Variants in TCF20 observed in about 807,000 individuals in gnomAD.
TCF20 encodes the protein transcription factor 20.
In TCF20, 3 loss-of-function variants were observed where a neutral mutation model predicts 148.6. The observed-to-expected ratio is 0.02, with a 90% confidence interval of 0.01 to 0.05. The LOEUF (loss-of-function observed/expected upper bound fraction) is 0.05, where lower values mean the gene tolerates loss of function less well. Ranked by LOEUF, TCF20 falls within the 10% of genes least tolerant of loss-of-function variation. The pLI, the probability that TCF20 is intolerant of heterozygous loss-of-function variation, is 1.00. For missense variants in TCF20, 2,350 were observed against 2,429.3 expected (o/e 0.97, Z 0.69); for synonymous variants, 1,049 against 909.5 (o/e 1.15, Z -2.76).
At chr22:42,283,297 G>T (rs77277398) in intron 1 of TCF20, among the ~76,000 whole-genome samples, 81 of 152,328 alleles carry the variant, frequency 5.3e-4, no homozygotes, top group African/African-American at 1.7e-3. Flanking sequence ...ATAGTGGAGG[G>T]GGGGAGAGGG....
chr22:42,208,774 T>C (rs2147190143), intron 2 of TCF20, among the ~76,000 whole-genome samples: 1 of 152,116 alleles, frequency 6.6e-6, no homozygotes, highest in South Asian at 2.1e-4. Flanking sequence ...ACAGGAATTA[T>C]AAAGAGAGCA....
chr22:42,262,118 T>C (rs1926059301), intron 1 of TCF20, among the ~76,000 whole-genome samples: 1 of 152,230 alleles, frequency 6.6e-6, no homozygotes, highest in Non-Finnish European at 1.5e-5. Context: ...CAGATTATTC[T>C]GGCCCTTGTG....
chr22:42,233,711 G>A (rs2147285428), intron 1 of TCF20, among the ~76,000 whole-genome samples: 1 of 152,316 alleles, frequency 6.6e-6, no homozygotes, highest in East Asian at 1.9e-4. Flanking sequence ...TCTGACAAAT[G>A]TAAAGGTAAC....
chr22:42,275,358 C>T (rs1480499297), upstream of TCF20, among the ~76,000 whole-genome samples: 1 of 152,162 alleles, frequency 6.6e-6, no homozygotes, highest in African/African-American at 2.4e-5. Context: ...ACACATCTTC[C>T]CCACAGGTGA....
At chr22:42,260,857 A>C (rs889995892) in intron 1 of TCF20, among the ~76,000 whole-genome samples, 1 of 152,190 alleles carries the variant, frequency 6.6e-6, no homozygotes, top group Admixed American at 6.5e-5. Context: ...GGGGAAAAGG[A>C]ATCTAGAACA....
chr22:42,244,304 A>G (rs995447010), intron 1 of TCF20, among the ~76,000 whole-genome samples: 2 of 152,226 alleles, frequency 1.3e-5, no homozygotes, highest in Non-Finnish European at 2.9e-5. Context: ...AAATAAGTGA[A>G]AACAGGTATC....
intron 1 of TCF20, among the ~76,000 whole-genome samples, chr22:42,219,131 C>T (rs957956147): frequency 2.2e-4 from 33 of 151,712 alleles, no homozygotes; most frequent in African/African-American, 7.5e-4. Context: ...CACCTGTAAT[C>T]CCAGTGTTTT....
intron 1 of TCF20, among the ~76,000 whole-genome samples, chr22:42,329,188 C>T (rs1219685545): frequency 6.6e-6 from 1 of 152,354 alleles, no homozygotes; most frequent in South Asian, 2.1e-4. Context: ...AGCGCAGTCA[C>T]ACCAAGAAGT....
In TCF20 at chr22:42,213,601, G is replaced by A. The variant is rs748165615; in HGVS notation, c.1705C>T (p.Pro569Ser). 5.6e-6 allele frequency: 9 copies of A among 1,614,150 alleles called. No individual in the cohort carries two copies. In the South Asian group the frequency reaches 9.9e-5, roughly 18 times the overall value. Residue 569 changes from proline to serine, a missense_variant, in exon 2 of 6, where the codon CCC becomes TCC. Pro to Ser is a moderately conservative substitution (Grantham distance 74). This residue lies in a region of TCF20 where 1,641 missense variants were observed against 1,662.6 expected (regional missense o/e 0.99). Transcript: ENST00000677622. Reference protein sequence around the residue: ...SPAQGAQNEPPRLNASPAARE... With the variant: ...SPAQGAQNEPSRLNASPAARE... ...GCGGCAGGACTAGCATTGAGTCTGG[G>A]GGGTTCATTCTGAGCACCTTGTGCC...
chr22:42,262,335 C>T (rs1339501886), intron 1 of TCF20, among the ~76,000 whole-genome samples: 1 of 152,044 alleles, frequency 6.6e-6, no homozygotes, highest in Non-Finnish European at 1.5e-5. Context: ...ATGGAAATAG[C>T]ACTGACAGTA....
chr22:42,296,417 C>T lies in TCF20; in HGVS notation c.-37+47062G>A, dbSNP rs368995121. ...AACGGCGCCAACTTGGGGGTGGTGCCGAGAGCCAGTGCAGCTGTGCCCGGC... is the reference window on the plus strand; with the variant it reads ...AACGGCGCCAACTTGGGGGTGGTGCTGAGAGCCAGTGCAGCTGTGCCCGGC... On this transcript the variant is annotated intron_variant, in intron 1 of 1. Coordinates refer to the TCF20 transcript ENST00000515426. 7.9e-5 allele frequency among the ~76,000 whole-genome samples: 12 copies of T among 152,316 alleles called. No individual in the cohort carries two copies. The East Asian group carries it at 1.5e-3, about 20-fold the overall frequency.
At chr22:42,189,696 C>T (rs953009667) in intron 2 of TCF20, among the ~76,000 whole-genome samples, 2 of 152,088 alleles carry the variant, frequency 1.3e-5, no homozygotes, top group African/African-American at 4.8e-5. Context: ...TAAAATAAAT[C>T]CCTGCTAGCA....
At chr22:42,255,495 AACAACAAC>A (rs1925687231) in intron 1 of TCF20, among the ~76,000 whole-genome samples, 1 of 120,466 alleles carries the variant, frequency 8.3e-6, no homozygotes, top group Non-Finnish European at 1.9e-5. Flanking sequence ...CTCAAACAAC[AACAACAAC>A]AACAACAACA....
At chr22:42,308,614 T>C (rs1272118322) in intron 1 of TCF20, among the ~76,000 whole-genome samples, 1 of 152,134 alleles carries the variant, frequency 6.6e-6, no homozygotes, top group Non-Finnish European at 1.5e-5. Flanking sequence ...CCCAGGGCCA[T>C]GGCAGGCACA....
chr22:42,209,898 G>A lies in TCF20; in HGVS notation c.5408C>T (p.Ser1803Phe), dbSNP rs1569142733. 4 of 1,614,170 alleles carry A rather than the reference G, an allele frequency of 2.5e-6. No individual in the cohort carries two copies. Among genetic ancestry groups the A allele is most frequent in the Middle Eastern group, 1.6e-4 (1 of 6,062 alleles). The change falls in exon 2 of 6, where the codon TCC becomes TTC. Residue 1803 changes from serine (S) to phenylalanine (F), a missense_variant. Coordinates refer to ENST00000677622, the MANE Select transcript of TCF20 (RefSeq NM_001378418.1). ...TGCTTTTTTACAAGGGAGCCCCCTG[G>A]ACAGGGACCGAGGGCCTCCACCACA... ...EDCGGGPRSL[S>F]RGLPCKKAAT...
At chr22:42,178,725 G>C (rs140347609) in intron 3 of TCF20, among the ~76,000 whole-genome samples, 1 of 151,210 alleles carries the variant, frequency 6.6e-6, no homozygotes, top group South Asian at 2.1e-4. Context: ...TGGGACTATA[G>C]GTGCGCGTCA....
rs1372919555 is a variant in TCF20, at chr22:42,212,680, T to G, written c.2626A>C (p.Ile876Leu). ...GAGTGAGCCCCTGGGTCCCTGACAA[T>G]CTGTCTTAGTGGAGAAATATCACAG... ...VICDISPLRQ[I>L]VRDPGAHSLG... Residue 876 changes from isoleucine to leucine, a missense_variant, in exon 2 of 6, where the codon ATT becomes CTT. By Grantham distance (5) the Ile-to-Leu change is conservative. Coordinates refer to ENST00000677622, the MANE Select transcript of TCF20 (RefSeq NM_001378418.1). 6.2e-7 allele frequency: 1 copy of G among 1,614,052 alleles called. No individual in the cohort carries two copies. Among genetic ancestry groups the G allele is most frequent in the Non-Finnish European group, 8.5e-7 (1 of 1,180,022 alleles).
chr22:42,237,548 A>T (rs1253360145), intron 1 of TCF20, among the ~76,000 whole-genome samples: 2 of 152,208 alleles, frequency 1.3e-5, no homozygotes, highest in Admixed American at 6.5e-5. Flanking sequence ...TCTTAATGGC[A>T]TTTAGAATGG....
intron 1 of TCF20, among the ~76,000 whole-genome samples, chr22:42,236,441 G>C (rs770958335): frequency 6.6e-6 from 1 of 152,048 alleles, no homozygotes; most frequent in Admixed American, 6.6e-5. Context: ...GAATGCCGAC[G>C]GAGCGCATTC....
Sources: gnomAD v4.1 joint callset for allele counts (sites outside exome capture counted in the v4.1 genomes callset) on GRCh38, gnomAD v4.1.1 for gene constraint, gnomAD v4.1.1 regional missense constraint, MANE v1.5 for transcripts, NCBI Gene and HGNC (gene_info 2026-07-23, HGNC 2026-07-21) for gene names.